Variants in HECW1 observed in about 807,000 individuals in gnomAD.
The protein encoded by HECW1 is E3 ubiquitin-protein ligase HECW1.
In HECW1, 61 loss-of-function variants were observed where a neutral mutation model predicts 182.3. That is an observed-to-expected ratio of 0.33 (90% CI 0.27 to 0.41). HECW1 has a LOEUF of 0.41. HECW1 is among the 10% of genes least tolerant of loss of function. The pLI, the probability that HECW1 is intolerant of heterozygous loss-of-function variation, is 1.00. For synonymous variants in HECW1, 859 were observed against 832.6 expected, an observed-to-expected ratio of 1.03 and a Z score of -0.55; for missense variants, 1,739 against 2,108.9, an observed-to-expected ratio of 0.82 and a Z score of 3.44.
At chr7:43,192,135 T>C (rs921907051) in intron 2 of HECW1, among the ~76,000 whole-genome samples, 9 of 152,118 alleles carry the variant, frequency 5.9e-5, no homozygotes, top group African/African-American at 2.2e-4. Flanking sequence ...AATTTTTGTA[T>C]TTTTGTAGAG....
At chr7:43,418,614 G>C (rs1397305595) in intron 8 of HECW1, among the ~76,000 whole-genome samples, 1 of 151,536 alleles carries the variant, frequency 6.6e-6, no homozygotes, top group Non-Finnish European at 1.5e-5. Context: ...TCTATGCAAT[G>C]AATATTTTCA....
intron 2 of HECW1, among the ~76,000 whole-genome samples, chr7:43,148,100 G>A (rs1355057789): frequency 1.3e-5 from 2 of 152,184 alleles, no homozygotes; most frequent in South Asian, 4.1e-4. Context: ...TTTGTGTGTA[G>A]GGAGTGCCCT....
At chr7:43,259,980 A>G (rs1464507775) in intron 3 of HECW1, among the ~76,000 whole-genome samples, 1 of 152,236 alleles carries the variant, frequency 6.6e-6, no homozygotes, top group Non-Finnish European at 1.5e-5. Context: ...AATTCTAAGT[A>G]GTAGAGACAC....
chr7:43,537,293 T>A (rs1174403997), intron 24 of HECW1, among the ~76,000 whole-genome samples: 1 of 152,270 alleles, frequency 6.6e-6, no homozygotes, highest in Non-Finnish European at 1.5e-5. Context: ...CTCTGAACTC[T>A]ATTTATGCCA....
At position 43,221,537 on chromosome 7, in the gene HECW1, G is replaced by GTTTTTTTTTTTTTTT. The variant is rs71008897; in HGVS notation, c.-31-22310_-31-22296dup. On this transcript the variant is annotated intron_variant, in intron 2 of 29. Transcript: ENST00000395891. ...CTAAACTAAATGTCAGAGGAATTAGGTTTTTTTTTTTTTTTTTTTTTTTTT... is the reference window on the plus strand; with the variant it reads ...CTAAACTAAATGTCAGAGGAATTAGGTTTTTTTTTTTTTTTTTTTTTTTTTTTTTTTTTTTTTTTT... Among the ~76,000 whole-genome samples the GTTTTTTTTTTTTTTT allele has an allele frequency of 1.6e-4, 8 of 50,530 alleles. 3 individuals carry two copies. Among genetic ancestry groups the GTTTTTTTTTTTTTTT allele is most frequent in the South Asian group, 2.2e-3 (2 of 900 alleles). The allele number at this position is 50,530 out of a possible 152,430, so 33.1% of individuals were successfully genotyped here.
chr7:43,283,184 C>T (rs1196582479), intron 3 of HECW1, among the ~76,000 whole-genome samples: 1 of 151,672 alleles, frequency 6.6e-6, no homozygotes, highest in South Asian at 2.1e-4. Flanking sequence ...CCCTGGAAGG[C>T]CCCCAGAGCC....
chr7:43,211,350 G>A (rs1795990307), intron 2 of HECW1, among the ~76,000 whole-genome samples: 1 of 152,182 alleles, frequency 6.6e-6, no homozygotes, highest in Non-Finnish European at 1.5e-5. Context: ...AGTTCCATCT[G>A]ACACATCACC....
At chr7:43,219,437 G>A (rs1049480773) in intron 2 of HECW1, among the ~76,000 whole-genome samples, 15 of 152,034 alleles carry the variant, frequency 9.9e-5, no homozygotes, top group African/African-American at 2.9e-4. Flanking sequence ...AAACCCCTCC[G>A]ATACCGAGCT....
intron 3 of HECW1, among the ~76,000 whole-genome samples, chr7:43,310,390 A>T (rs764619749): frequency 1.4e-4 from 21 of 152,340 alleles, no homozygotes; most frequent in East Asian, 3.8e-4. Context: ...TCATACTGCT[A>T]TAGTGACAAG....
At chr7:43,508,856 C>T in intron 23 of HECW1, 113 bp from the exon 24 acceptor site, 2 of 1,095,730 alleles carry the variant, frequency 1.8e-6, no homozygotes, top group Non-Finnish European at 2.7e-6. Context: ...AGAGGCTGCT[C>T]TCTGCTTTCC....
chr7:43,191,956 G>GT (rs1793951942), intron 2 of HECW1, among the ~76,000 whole-genome samples: 1 of 142,334 alleles, frequency 7.0e-6, no homozygotes, highest in African/African-American at 2.6e-5. Context: ...CCTAGTTGTT[G>GT]TTTTTTTCTT....
chr7:43,149,390 A>G, intron 2 of HECW1, among the ~76,000 whole-genome samples: 1 of 152,246 alleles, frequency 6.6e-6, no homozygotes, highest in Non-Finnish European at 1.5e-5. Context: ...AATAAGGGTC[A>G]TGCTACAAAA....
rs57824560 is a variant in HECW1, at chr7:43,565,582, TTTA to T, written c.*3672_*3674del. 9.0e-3 allele frequency: 1,449 copies of T among 161,208 alleles called. 22 individuals are homozygous for T. The highest frequency in any genetic ancestry group is 0.033 in the African/African-American group (1,326 of 40,342). The allele number at this position is 161,208 out of a possible 1,614,324, so 10.0% of individuals were successfully genotyped here. A position where few individuals can be genotyped will look rare whatever the true frequency, so the allele number is the denominator to read the frequency against. On this transcript the variant is annotated 3_prime_UTR_variant, in exon 30 of 30. Transcript: ENST00000395891. ...CTTTATTATTATTATTATTATTATT[TTTA>T]TTATTATTATTATTACGTACTTCAG...
At chr7:43,340,141 A>G (rs542055935) in intron 5 of HECW1, among the ~76,000 whole-genome samples, 2 of 151,828 alleles carry the variant, frequency 1.3e-5, no homozygotes, top group East Asian at 3.9e-4. Context: ...AAATCAGCTT[A>G]CTTAGTTAGC....
intron 2 of HECW1, among the ~76,000 whole-genome samples, chr7:43,153,330 A>G (rs144128937): frequency 1.8e-3 from 278 of 152,316 alleles, no homozygotes; most frequent in African/African-American, 6.4e-3. Context: ...GGAGATGGGC[A>G]TATGTATTCC....
chr7:43,174,461 C>G (rs1030535549), intron 2 of HECW1, among the ~76,000 whole-genome samples: 2 of 152,194 alleles, frequency 1.3e-5, no homozygotes, highest in African/African-American at 2.4e-5. Context: ...TGATGTCATT[C>G]AGAGATAACC....
At chr7:43,323,845 G>A (rs904956820) in intron 5 of HECW1, among the ~76,000 whole-genome samples, 1 of 149,130 alleles carries the variant, frequency 6.7e-6, no homozygotes, top group Admixed American at 6.7e-5. Context: ...TTTCACCCTG[G>A]CCCATATGGT....
At chr7:43,411,927 G>A (rs1373976459) in intron 8 of HECW1, among the ~76,000 whole-genome samples, 1 of 152,034 alleles carries the variant, frequency 6.6e-6, no homozygotes, top group Non-Finnish European at 1.5e-5. Flanking sequence ...GGAATGAATG[G>A]CCCATTACCA....
chr7:43,266,819 C>A (rs1274768802), intron 3 of HECW1, among the ~76,000 whole-genome samples: 1 of 152,160 alleles, frequency 6.6e-6, no homozygotes, highest in Admixed American at 6.5e-5. Context: ...TTAAAAGAGA[C>A]ACGCAAAAGG....
Sources: gnomAD v4.1 joint callset for allele counts (sites outside exome capture counted in the v4.1 genomes callset) on GRCh38, gnomAD v4.1.1 for gene constraint, MANE v1.5 for transcripts, NCBI Gene and HGNC (gene_info 2026-07-23, HGNC 2026-07-21) for gene names.